The following PRKDC variants were observed in gnomAD, a reference collection of about 807,000 sequenced individuals.
The protein encoded by PRKDC is protein kinase, DNA-activated, catalytic subunit.
Under a neutral mutation model 486.9 loss-of-function variants are expected in PRKDC, and 82 were observed. The observed-to-expected ratio is 0.17, with a 90% CI of 0.14 to 0.20. The LOEUF (loss-of-function observed/expected upper bound fraction) is 0.20. Ranked by LOEUF, PRKDC falls within the 10% of genes least tolerant of loss-of-function variation. The probability of loss-of-function intolerance (pLI) is 1.00; values close to 1 mark genes in which losing one functional copy is unlikely to be tolerated. For missense variants in PRKDC, 4,504 were observed against 5,038.2 expected (o/e 0.89, Z 3.21); for synonymous variants, 1,895 against 1,837.0 (o/e 1.03, Z -0.81).
chr8:47,955,758 G>T, intron 4 of PRKDC, 116 bp downstream of exon 4: 1 of 751,528 alleles, frequency 1.3e-6, no homozygotes, highest in Non-Finnish European at 2.1e-6. Context: ...ACACATCAAT[G>T]TGATTAGATC....
chr8:47,957,239 G>T lies in PRKDC; in HGVS notation c.256C>A (p.Leu86Ile). Residue 86 changes from leucine (L) to isoleucine (I), a missense_variant, in exon 3 of 86, where the codon CTA (leucine) becomes ATA (isoleucine). Coordinates refer to ENST00000314191, the MANE Select transcript of PRKDC (RefSeq NM_006904.7). ...IEFRECREEI[L>I]KFLCIFLEKM... is the part of the protein sequence containing the mutation. ...TCTAAGAAAATACATAAAAACTTTAGGATTTCTTCTCTACATTCACGAAAC... is the reference window on the plus strand; with the variant it reads ...TCTAAGAAAATACATAAAAACTTTATGATTTCTTCTCTACATTCACGAAAC... 6.2e-7 allele frequency: 1 copy of T among 1,601,456 alleles called. No individual in the cohort carries two copies. Among genetic ancestry groups the T allele is most frequent in the Non-Finnish European group, 8.5e-7 (1 of 1,170,716 alleles).
intron 34 of PRKDC, among the ~76,000 whole-genome samples, chr8:47,888,244 C>T (rs980461477): frequency 1.3e-5 from 2 of 152,152 alleles, no homozygotes; most frequent in Non-Finnish European, 2.9e-5. Context: ...ACAGCAGTTC[C>T]TAAAGTTTTT....
At chr8:47,953,167 G>A (rs765162203) in intron 7 of PRKDC, among the ~76,000 whole-genome samples, 38 of 151,996 alleles carry the variant, frequency 2.5e-4, no homozygotes, top group Non-Finnish European at 4.0e-4. Flanking sequence ...AATTTGCCAG[G>A]TGTGGTGGTG....
chr8:47,947,539 G>A (rs996796589), intron 7 of PRKDC, among the ~76,000 whole-genome samples: 10 of 152,178 alleles, frequency 6.6e-5, no homozygotes, highest in Non-Finnish European at 8.8e-5. Flanking sequence ...AGGGTAAGGC[G>A]GGTGGATTGC....
intron 85 of PRKDC, among the ~76,000 whole-genome samples, chr8:47,775,894 C>T (rs930567745): frequency 3.3e-5 from 5 of 150,692 alleles, no homozygotes; most frequent in Non-Finnish European, 5.9e-5. Flanking sequence ...GCCATCTTGG[C>T]TCACTGCAAC....
chr8:47,858,718 G>GT (rs1403610302), intron 47 of PRKDC, 83 bp from the exon 48 acceptor site: 44 of 1,443,232 alleles, frequency 3.0e-5, no homozygotes, highest in Non-Finnish European at 3.6e-5. Flanking sequence ...CAAGGACAAA[G>GT]TAAGACATGA....
chr8:47,887,149 A>G (rs2089353296), intron 35 of PRKDC, among the ~76,000 whole-genome samples: 1 of 152,196 alleles, frequency 6.6e-6, no homozygotes, highest in Non-Finnish European at 1.5e-5. Context: ...TGGTTCAAAG[A>G]GCCATGAGAA....
chr8:47,863,753 A>C (rs2088733704), intron 41 of PRKDC, among the ~76,000 whole-genome samples, 176 bp from the exon 42 acceptor site: 1 of 152,246 alleles, frequency 6.6e-6, no homozygotes, highest in South Asian at 2.1e-4. Flanking sequence ...ACACGAATAT[A>C]AGCATTGATA....
At chr8:47,865,940 G>A (rs1450744234) in intron 40 of PRKDC, among the ~76,000 whole-genome samples, 2 of 152,110 alleles carry the variant, frequency 1.3e-5, no homozygotes, top group East Asian at 3.9e-4. Context: ...TGGATCACCT[G>A]AGGTCAGGAG....
At chr8:47,886,988 A>C (rs1298845910) in intron 35 of PRKDC, among the ~76,000 whole-genome samples, 4 of 152,186 alleles carry the variant, frequency 2.6e-5, no homozygotes, top group Admixed American at 6.5e-5. Flanking sequence ...GTATTTTTAG[A>C]CAATTTAAAT....
intron 9 of PRKDC, 79 bp downstream of exon 9, chr8:47,943,774 C>G: frequency 7.9e-7 from 1 of 1,266,456 alleles, no homozygotes; most frequent in South Asian, 1.4e-5. Flanking sequence ...TGCTTTCATT[C>G]AAAGTTTAAG....
At position 47,776,785 on chromosome 8, in the gene PRKDC, C is replaced by T. The variant is rs553351488; in HGVS notation, c.12182+59G>A. ...CAGCACTTTGTATATATGTTGGCTC[C>T]TCGAGAAACAGTAGCATGTCGGTAG... is the stretch of plus-strand genomic sequence containing the variant. On this transcript the variant is annotated intron_variant, in intron 85 of 85. Coordinates refer to ENST00000314191, the MANE Select transcript of PRKDC (RefSeq NM_006904.7). 1.1e-5 allele frequency: 17 copies of T among 1,591,848 alleles called. No individual in the cohort carries two copies. The South Asian group carries it at 1.8e-4, about 17-fold the overall frequency.
chr8:47,943,080 C>T, intron 10 of PRKDC, 129 bp downstream of exon 10: 1 of 1,205,308 alleles, frequency 8.3e-7, no homozygotes, highest in South Asian at 1.6e-5. Flanking sequence ...TGATCAACAT[C>T]TTTCTGCTTT....
At chr8:47,866,520 G>A (rs568763995) in intron 40 of PRKDC, among the ~76,000 whole-genome samples, 3 of 152,104 alleles carry the variant, frequency 2.0e-5, no homozygotes, top group Non-Finnish European at 4.4e-5. Flanking sequence ...AAAATAAAAA[G>A]AGCAAAGACC....
chr8:47,837,004 G>A (rs1216769369), intron 57 of PRKDC, among the ~76,000 whole-genome samples: 1 of 152,214 alleles, frequency 6.6e-6, no homozygotes, highest in South Asian at 2.1e-4. Flanking sequence ...AAGCAATGGC[G>A]ATCCTGACAA....
chr8:47,926,478 AG>A (rs1353860454), intron 21 of PRKDC, among the ~76,000 whole-genome samples: 2 of 152,212 alleles, frequency 1.3e-5, no homozygotes, highest in African/African-American at 2.4e-5. Context: ...GGCCTCATGA[AG>A]AAAAAAACCT....
chr8:47,778,579 T>C lies in PRKDC; in HGVS notation c.11733A>G (p.Ile3911Met). 1.9e-6 allele frequency: 3 copies of C among 1,613,806 alleles called. No homozygotes were observed. Among genetic ancestry groups the C allele is most frequent in the Non-Finnish European group, 2.5e-6 (3 of 1,179,826 alleles). The change falls in exon 83 of 86, where the codon ATA becomes ATG. Residue 3911 changes from isoleucine (I) to methionine (M), a missense_variant. Around this residue, in one of 6 missense-constraint regions of PRKDC, gnomAD observed 706 missense variants for 945.0 expected, o/e 0.75. Transcript: ENST00000314191. ...TCCCGAGGATCCAGTGGCTGATGCA[T>C]ATCAGAGCGTGAGAGCTGGCGAAGT... Reference protein sequence around the residue: ...RSHFASSHALICISHWILGIG... With the variant: ...RSHFASSHALMCISHWILGIG...
intron 19 of PRKDC, 71 bp downstream of exon 19, chr8:47,929,021 A>T: frequency 8.6e-7 from 1 of 1,168,680 alleles, no homozygotes; most frequent in Non-Finnish European, 1.2e-6. Context: ...TATGATCACT[A>T]GGATTTTTTC....
intron 60 of PRKDC, among the ~76,000 whole-genome samples, chr8:47,831,462 A>G (rs1364816534): frequency 6.6e-6 from 1 of 152,132 alleles, no homozygotes; most frequent in Non-Finnish European, 1.5e-5. Context: ...TCCTCGGGGC[A>G]CCGTGGGTCC....
Sources: allele counts gnomAD v4.1 joint callset (sites outside exome capture counted in the v4.1 genomes callset), GRCh38; gene constraint gnomAD v4.1.1; regional missense constraint gnomAD v4.1.1; transcripts MANE v1.5; gene names NCBI Gene and HGNC (gene_info 2026-07-23, HGNC 2026-07-21).